Variants in LIPA observed in about 807,000 individuals in gnomAD.
LIPA encodes lipase A, lysosomal acid type.
LIPA carries 26 observed loss-of-function variants against 40.6 expected under a neutral mutation model. The observed-to-expected ratio is 0.64, with a 90% confidence interval of 0.47 to 0.89. The LOEUF (loss-of-function observed/expected upper bound fraction) is 0.89. Ranked by LOEUF, LIPA falls within the 40% of genes least tolerant of loss-of-function variation. The probability of loss-of-function intolerance (pLI) is 0.00; values close to 1 mark genes in which losing one functional copy is unlikely to be tolerated. For missense variants in LIPA, 455 were observed against 479.6 expected (o/e 0.95, Z 0.48); for synonymous variants, 188 against 168.4 (o/e 1.12, Z -0.90).
chr10:89,280,348 G>A (rs1314752999), intron 1 of LIPA, among the ~76,000 whole-genome samples: 9 of 152,192 alleles, frequency 5.9e-5, no homozygotes, highest in Non-Finnish European at 1.3e-4. Flanking sequence ...GGTAAAAAGT[G>A]AACGTGCTCT....
chr10:89,405,626 C>G (rs1010119775), intron 2 of LIPA: 1 of 152,192 alleles, frequency 6.6e-6, no homozygotes, highest in Non-Finnish European at 1.5e-5. Flanking sequence ...CCTTTTCCAG[C>G]TTCCAGAGGC....
intron 1 of LIPA, among the ~76,000 whole-genome samples, chr10:89,297,282 C>A (rs920314218): frequency 6.6e-6 from 1 of 152,164 alleles, no homozygotes; most frequent in Non-Finnish European, 1.5e-5. Flanking sequence ...AACTCTGACA[C>A]CAGTATGGGT....
chr10:89,311,784 T>C (rs1407310373), intron 1 of LIPA, among the ~76,000 whole-genome samples: 1 of 152,234 alleles, frequency 6.6e-6, no homozygotes, highest in Non-Finnish European at 1.5e-5. Context: ...TAGCAATGTA[T>C]GAGAAATACT....
chr10:89,374,826 A>G (rs959398838), intron 2 of LIPA, among the ~76,000 whole-genome samples: 2 of 152,110 alleles, frequency 1.3e-5, no homozygotes, highest in Non-Finnish European at 2.9e-5. Flanking sequence ...CACTAGGGAG[A>G]GGTTGAATGC....
Position 89,215,030 on chromosome 10 carries a change from A to G in LIPA, c.998T>C (p.Met333Thr), listed in dbSNP as rs1842606282. ...SYPPTYNVKDMLVPTAVWSGG... is the reference protein window; with the variant it reads ...SYPPTYNVKDTLVPTAVWSGG... ...GCTCCAGACTGCAGTCGGCACAAGC[A>G]TGTCCTTCACATTGTATGTGGGAGG... The change falls in exon 10 of 10, where the codon ATG becomes ACG. Residue 333 changes from methionine to threonine, a missense_variant. Met to Thr is a moderately conservative substitution (Grantham distance 81). Transcript: ENST00000336233. 6.2e-7 allele frequency: 1 copy of G among 1,613,906 alleles called. No homozygotes were observed. Among genetic ancestry groups the G allele is most frequent in the Non-Finnish European group, 8.5e-7 (1 of 1,179,862 alleles).
exon 2 of LIPA, chr10:89,412,823 T>C (rs780628218): frequency 2.2e-5 from 9 of 402,952 alleles, no homozygotes; most frequent in Non-Finnish European, 4.4e-5. Flanking sequence ...CATCTGAACA[T>C]CGAAAGGAAC....
intron 2 of LIPA, among the ~76,000 whole-genome samples, chr10:89,390,939 G>C (rs1220882125): frequency 6.6e-6 from 1 of 152,184 alleles, no homozygotes; most frequent in African/African-American, 2.4e-5. Context: ...TCATGTATCT[G>C]AGTGCAAGAC....
chr10:89,356,667 C>G (rs1029891344), intron 2 of LIPA, among the ~76,000 whole-genome samples: 1 of 152,146 alleles, frequency 6.6e-6, no homozygotes, highest in Non-Finnish European at 1.5e-5. Context: ...GCTCAGGGCT[C>G]CCACTGATTC....
chr10:89,219,605 TCA>T (rs1842670708), intron 8 of LIPA, among the ~76,000 whole-genome samples: 1 of 152,144 alleles, frequency 6.6e-6, no homozygotes, highest in Non-Finnish European at 1.5e-5. Flanking sequence ...AACCCCAAAC[TCA>T]TACCATAAGA....
chr10:89,295,025 G>T (rs74506466), intron 1 of LIPA, among the ~76,000 whole-genome samples: 20,045 of 103,274 alleles, frequency 0.19, 1,909 homozygotes, highest in Non-Finnish European at 0.27. Flanking sequence ...TGAAATGAAA[G>T]GAAAGGAAAG....
chr10:89,258,540 G>A (rs945757390), intron 1 of LIPA, among the ~76,000 whole-genome samples: 1 of 152,084 alleles, frequency 6.6e-6, no homozygotes, highest in Non-Finnish European at 1.5e-5. Context: ...AAAAAATACA[G>A]GTAATAACAA....
At chr10:89,291,417 T>C (rs1843373977) in intron 1 of LIPA, among the ~76,000 whole-genome samples, 1 of 152,232 alleles carries the variant, frequency 6.6e-6, no homozygotes, top group Admixed American at 6.5e-5. Flanking sequence ...TTGGTGCCTA[T>C]TTTGTGATTT....
intron 4 of LIPA, among the ~76,000 whole-genome samples, chr10:89,227,440 T>C (rs1459144163): frequency 2.6e-5 from 4 of 152,238 alleles, no homozygotes; most frequent in Admixed American, 2.0e-4. Context: ...AATAAACCAA[T>C]TCTTGTATAT....
In LIPA at chr10:89,247,638, C is replaced by T. The variant is rs762796693; in HGVS notation, c.11G>A (p.Arg4Gln). The T allele has an allele frequency of 2.2e-5, 36 of 1,607,284 alleles. No individual in the cohort carries two copies. Among genetic ancestry groups the T allele is most frequent in the Non-Finnish European group, 2.9e-5 (34 of 1,174,110 alleles). MKM[R>Q]FLGLVVCLVL... The stretch of plus-strand genomic sequence containing the variant: ...CAAACAGACCACCAACCCCAAGAAC[C>T]GCATTTTCATTCTGTATAATAAAAC... The change falls in exon 2 of 10, where the codon CGG becomes CAG. Residue 4 changes from arginine (R) to glutamine (Q), a missense_variant. Transcript: ENST00000336233.
chr10:89,254,451 G>A (rs540294511), upstream of LIPA, among the ~76,000 whole-genome samples: 21 of 152,192 alleles, frequency 1.4e-4, no homozygotes, highest in Non-Finnish European at 2.9e-4. Flanking sequence ...TGGGACACAA[G>A]TCCCTAGGCT....
At chr10:89,290,468 C>T (rs1257053961) in intron 1 of LIPA, among the ~76,000 whole-genome samples, 2 of 152,154 alleles carry the variant, frequency 1.3e-5, no homozygotes, top group East Asian at 1.9e-4. Flanking sequence ...CTATTTTATG[C>T]TATTTTTCTT....
intron 1 of LIPA, among the ~76,000 whole-genome samples, chr10:89,284,808 C>T (rs1211215373): frequency 6.6e-6 from 1 of 152,168 alleles, no homozygotes; most frequent in Non-Finnish European, 1.5e-5. Flanking sequence ...TGAAGAATCA[C>T]AAAAGAAGTG....
chr10:89,284,258 C>T (rs892639914), intron 1 of LIPA: 1 of 152,190 alleles, frequency 6.6e-6, no homozygotes, highest in African/African-American at 2.4e-5. Context: ...TCTTAACAAG[C>T]ATGTGTGTTT....
intron 1 of LIPA, among the ~76,000 whole-genome samples, chr10:89,293,884 T>C (rs1564777997): frequency 4.6e-5 from 7 of 152,168 alleles, no homozygotes; most frequent in South Asian, 2.1e-4. Context: ...GCTTCAATGA[T>C]GAATTTTGGG....
Sources: allele counts gnomAD v4.1 joint callset (sites outside exome capture counted in the v4.1 genomes callset), GRCh38; gene constraint gnomAD v4.1.1; transcripts MANE v1.5; gene names NCBI Gene and HGNC (gene_info 2026-07-23, HGNC 2026-07-21).